Variants in GPHN observed in about 807,000 individuals in gnomAD.
GPHN encodes the protein gephyrin.
A neutral mutation model predicts 95.5 loss-of-function variants in GPHN; 17 were observed. That is an observed-to-expected ratio of 0.18 (90% confidence interval 0.12 to 0.27). The LOEUF is 0.27. GPHN is among the 10% of genes least tolerant of loss of function. The pLI, the probability that GPHN is intolerant of heterozygous loss-of-function variation, is 1.00. For missense variants in GPHN, 660 were observed against 978.1 expected (o/e 0.67, Z 4.34); for synonymous variants, 320 against 322.5 (o/e 0.99, Z 0.08).
chr14:67,397,944 G>T, the GPHN span: 1 of 743,404 alleles, frequency 1.3e-6, no homozygotes, highest in Non-Finnish European at 2.1e-6. Context: ...AGTCTCCAAG[G>T]AAGACAGCAG....
At chr14:67,512,287 A>T in the GPHN span, among the ~76,000 whole-genome samples, 1 of 152,186 alleles carries the variant, frequency 6.6e-6, no homozygotes, top group Non-Finnish European at 1.5e-5. Flanking sequence ...CTTACACTTT[A>T]CTTTTCAAAT....
chr14:67,049,942 C>G (rs1412080586), intron 10 of GPHN, among the ~76,000 whole-genome samples: 1 of 152,164 alleles, frequency 6.6e-6, no homozygotes, highest in South Asian at 2.1e-4. Context: ...CACACACATG[C>G]ATGCACACAC....
chr14:66,533,501 C>T (rs1368050812), intron 1 of GPHN, among the ~76,000 whole-genome samples: 4 of 152,250 alleles, frequency 2.6e-5, no homozygotes, highest in Admixed American at 1.3e-4. Context: ...AGCAACATGC[C>T]GTGGGTGCAC....
At chr14:66,540,562 G>A (rs770808186) in intron 1 of GPHN, among the ~76,000 whole-genome samples, 4 of 152,174 alleles carry the variant, frequency 2.6e-5, no homozygotes, top group Non-Finnish European at 4.4e-5. Context: ...TTTGGTGTAT[G>A]TTCAGGACTG....
chr14:66,719,566 G>A (rs1421397566), intron 2 of GPHN, among the ~76,000 whole-genome samples: 2 of 152,028 alleles, frequency 1.3e-5, no homozygotes, highest in African/African-American at 4.8e-5. Flanking sequence ...ATTTATTCCT[G>A]CAGTCGTTCT....
At chr14:67,196,227 T>C in the GPHN span, among the ~76,000 whole-genome samples, 6 of 148,850 alleles carry the variant, frequency 4.0e-5, no homozygotes, top group African/African-American at 1.6e-4. Flanking sequence ...TTCTTTCTTT[T>C]TTTTTTTTGA....
intron 1 of GPHN, among the ~76,000 whole-genome samples, chr14:66,518,746 C>G (rs917054338): frequency 1.3e-5 from 2 of 152,078 alleles, no homozygotes; most frequent in African/African-American, 4.8e-5. Flanking sequence ...AAGTTAAACA[C>G]TGCATGTCCT....
At chr14:67,374,324 C>T in the GPHN span, 1 of 464,642 alleles carries the variant, frequency 2.2e-6, no homozygotes, top group South Asian at 6.3e-5. Context: ...CCTTGTAATA[C>T]TTATGCAGTA....
In GPHN at chr14:67,111,848, G is replaced by C; in HGVS notation, c.1414-13G>C. Reference sequence around the variant, plus strand: ...AATTCTGTTTGAAATTACATGACCGGCTGTTATTATAGGGCACTGAAGAAC... The same window carrying C: ...AATTCTGTTTGAAATTACATGACCGCCTGTTATTATAGGGCACTGAAGAAC... On this transcript the variant is annotated splice_polypyrimidine_tract_variant and intron_variant, in intron 14 of 22. Coordinates refer to ENST00000478722, the MANE Select transcript of GPHN (RefSeq NM_020806.5). The C allele has an allele frequency of 6.2e-7, 1 of 1,606,388 alleles. No homozygotes were observed.
the GPHN span, among the ~76,000 whole-genome samples, chr14:67,443,792 G>A: frequency 6.6e-6 from 1 of 152,158 alleles, no homozygotes; most frequent in South Asian, 2.1e-4. Context: ...GAAAAAAATA[G>A]ATGCAGGAAT....
At chr14:67,542,778 A>G in the GPHN span, among the ~76,000 whole-genome samples, 1 of 152,168 alleles carries the variant, frequency 6.6e-6, no homozygotes, top group Middle Eastern at 3.4e-3. Flanking sequence ...GCAGCTCGCC[A>G]CAATCTCCGC....
intron 9 of GPHN, among the ~76,000 whole-genome samples, chr14:67,022,570 T>G (rs1317980078): frequency 2.9e-4 from 26 of 91,084 alleles, no homozygotes; most frequent in South Asian, 7.9e-4. Flanking sequence ...TTTTTTTTGG[T>G]GTGTGTGTGT....
rs532935738 is a variant in GPHN, at chr14:66,657,830, G to T, written c.65-23277G>T. On this transcript the variant is annotated intron_variant, in intron 1 of 22. Transcript: ENST00000478722. ...GAGCTCTGATGAAAATGTACAAAGA[G>T]AATAATGTTGTTTTCATGGCTGCTA... is the stretch of plus-strand genomic sequence containing the variant. Among the ~76,000 whole-genome samples, 6 of 152,124 alleles carry T rather than the reference G, an allele frequency of 3.9e-5. No individual in the cohort carries two copies. The East Asian group carries it at 1.2e-3, about 29-fold the overall frequency.
At chr14:66,787,858 T>TTATATATATATATATATATATATA (rs1555406304) in intron 3 of GPHN, among the ~76,000 whole-genome samples, 3 of 150,528 alleles carry the variant, frequency 2.0e-5, no homozygotes, top group African/African-American at 7.3e-5. Flanking sequence ...ATAAAAAGTA[T>TTATATATATATATATATATATATA]TATATATATA....
intron 11 of GPHN, among the ~76,000 whole-genome samples, chr14:67,066,217 G>T (rs1247034449): frequency 1.3e-5 from 2 of 152,124 alleles, no homozygotes; most frequent in Non-Finnish European, 2.9e-5. Flanking sequence ...GAAATTCTGG[G>T]TTGAAAATTC....
chr14:67,402,340 T>A, the GPHN span, among the ~76,000 whole-genome samples: 4 of 152,212 alleles, frequency 2.6e-5, no homozygotes, highest in African/African-American at 9.7e-5. Flanking sequence ...TGAGCTATTT[T>A]GATACAGGCA....
chr14:66,664,821 C>A (rs2065854291), intron 1 of GPHN, among the ~76,000 whole-genome samples: 1 of 151,766 alleles, frequency 6.6e-6, no homozygotes, highest in African/African-American at 2.4e-5. Flanking sequence ...AAGCAACCAT[C>A]AGAGAATATT....
chr14:66,767,034 T>G (rs909975519), intron 2 of GPHN, among the ~76,000 whole-genome samples: 1 of 152,106 alleles, frequency 6.6e-6, no homozygotes, highest in Non-Finnish European at 1.5e-5. Context: ...CACCTTTGTC[T>G]TTATAAGTAG....
chr14:66,518,018 G>A (rs1452887784), intron 1 of GPHN, among the ~76,000 whole-genome samples: 1 of 151,488 alleles, frequency 6.6e-6, no homozygotes, highest in Non-Finnish European at 1.5e-5. Context: ...TAGAATGGGA[G>A]AAAATATTTG....
Sources: gnomAD v4.1 joint callset for allele counts (sites outside exome capture counted in the v4.1 genomes callset) on GRCh38, gnomAD v4.1.1 for gene constraint, MANE v1.5 for transcripts, NCBI Gene and HGNC (gene_info 2026-07-23, HGNC 2026-07-21) for gene names.